KIF5B: variants seen among roughly 807,000 people sequenced by gnomAD.
KIF5B encodes the protein kinesin-1 heavy chain.
Under a neutral mutation model 132.8 loss-of-function variants are expected in KIF5B, and 49 were observed. That is an observed-to-expected ratio of 0.37 (90% CI 0.29 to 0.47). The LOEUF (loss-of-function observed/expected upper bound fraction) is 0.47. Ranked by LOEUF, KIF5B falls within the 20% of genes least tolerant of loss-of-function variation. The pLI is 1.00. For synonymous variants in KIF5B, 355 were observed against 369.4 expected (o/e 0.96, Z 0.45); for missense variants, 780 against 1,144.0 (o/e 0.68, Z 4.59).
chr10:32,051,413 G>A (rs569054305), intron 1 of KIF5B, among the ~76,000 whole-genome samples: 2 of 152,218 alleles, frequency 1.3e-5, no homozygotes, highest in South Asian at 2.1e-4. Flanking sequence ...CAAGAGATAT[G>A]CCAGAAATAA....
At chr10:32,027,739 C>T (rs1373367475) in intron 15 of KIF5B, among the ~76,000 whole-genome samples, 1 of 151,558 alleles carries the variant, frequency 6.6e-6, no homozygotes, top group South Asian at 2.1e-4. Context: ...GGACTACAGG[C>T]ATGTATCACC....
At position 32,019,974 on chromosome 10, in the gene KIF5B, AAAT is replaced by A; in HGVS notation, c.2205-18_2205-16del. ...TCTGGTTTTGGCTGACGAAAGAAAAAAATAATTAACACAGTATCAATATCACAG... is the reference window on the plus strand; with the variant it reads ...TCTGGTTTTGGCTGACGAAAGAAAAAAATTAACACAGTATCAATATCACAG... On this transcript the variant is annotated splice_polypyrimidine_tract_variant and intron_variant, in intron 19 of 25. Coordinates refer to ENST00000302418, the MANE Select transcript of KIF5B (RefSeq NM_004521.3). 6.6e-7 allele frequency: 1 copy of A among 1,526,472 alleles called. No individual in the cohort carries two copies. The highest frequency in any genetic ancestry group is 1.7e-4 in the Middle Eastern group (1 of 5,828). The allele number at this position is 1,526,472 out of a possible 1,614,324, so 94.6% of individuals were successfully genotyped here.
chr10:32,036,916 C>A lies in KIF5B; in HGVS notation c.711+338G>T, dbSNP rs561937812. Among the ~76,000 whole-genome samples, 5 of 152,184 alleles carry A rather than the reference C, an allele frequency of 3.3e-5. No homozygotes were observed. The East Asian group carries it at 9.7e-4, about 29-fold the overall frequency. On this transcript the variant is annotated intron_variant, in intron 8 of 25. Coordinates refer to ENST00000302418, the MANE Select transcript of KIF5B (RefSeq NM_004521.3). Reference sequence around the variant, plus strand: ...CGAGAGTTACCAGTTTTAATAGGGACCCCACTGCCAATATGGATAAAATAC... The same window carrying A: ...CGAGAGTTACCAGTTTTAATAGGGAACCCACTGCCAATATGGATAAAATAC...
intron 2 of KIF5B, among the ~76,000 whole-genome samples, chr10:32,043,294 C>T (rs1374906980): frequency 6.6e-6 from 1 of 152,178 alleles, no homozygotes; most frequent in Non-Finnish European, 1.5e-5. Context: ...TGAGCCACTG[C>T]GCCCAGCCCG....
At chr10:32,048,094 C>T (rs1841637630) in intron 2 of KIF5B, among the ~76,000 whole-genome samples, 3 of 152,266 alleles carry the variant, frequency 2.0e-5, no homozygotes, top group African/African-American at 7.2e-5. Flanking sequence ...TGATAGACTG[C>T]CATTTTCCAC....
intron 15 of KIF5B, among the ~76,000 whole-genome samples, chr10:32,023,981 A>T (rs138787041): frequency 3.9e-4 from 59 of 151,310 alleles, no homozygotes; most frequent in South Asian, 3.5e-3. Context: ...ACAATCTATT[A>T]ATGTAAAACT....
chr10:32,031,436 T>C (rs1255400239), intron 13 of KIF5B, among the ~76,000 whole-genome samples, 157 bp from the exon 14 acceptor site: 1 of 152,168 alleles, frequency 6.6e-6, no homozygotes, highest in Non-Finnish European at 1.5e-5. Context: ...AAATGTCAAC[T>C]ATGTGCAGGC....
At chr10:32,024,570 C>G (rs1040376888) in intron 15 of KIF5B, among the ~76,000 whole-genome samples, 10 of 151,574 alleles carry the variant, frequency 6.6e-5, no homozygotes, top group African/African-American at 2.2e-4. Context: ...TCAAGACCAG[C>G]CTGGCCAATA....
At chr10:32,020,787 T>C (rs778476107) in intron 19 of KIF5B, among the ~76,000 whole-genome samples, 1 of 152,058 alleles carries the variant, frequency 6.6e-6, no homozygotes, top group Non-Finnish European at 1.5e-5. Flanking sequence ...TATGCAATAA[T>C]AGACTTAGGT....
chr10:32,026,333 G>A (rs1841332808), intron 15 of KIF5B, among the ~76,000 whole-genome samples: 3 of 150,964 alleles, frequency 2.0e-5, no homozygotes, highest in Non-Finnish European at 4.4e-5. Context: ...AGCTACTCGG[G>A]AGGCCGAGGT....
Position 32,033,987 on chromosome 10 carries a change from TC to T in KIF5B, c.1162del (p.Glu388LysfsTer23). 1 of 1,604,148 alleles carries T rather than the reference TC, an allele frequency of 6.2e-7. No homozygotes were observed. The highest frequency in any genetic ancestry group is 8.5e-7 in the Non-Finnish European group (1 of 1,175,650). The part of the protein sequence containing the change: ...EQFDKEKANL[E>X]AFTVDKDITL... ...AATATCTTTATCCACTGTGAAAGCT[TC>T]CAAGTTGGCTTTCTCTTTGTCAAAC... On this transcript the variant is annotated frameshift_variant, in exon 12 of 26. Transcript: ENST00000302418. LOFTEE classifies it high-confidence loss of function.
Position 32,035,671 on chromosome 10 carries a change from CA to C in KIF5B, c.817-5del. The C allele has an allele frequency of 6.3e-7, 1 of 1,588,914 alleles. No individual in the cohort carries two copies. The highest frequency in any genetic ancestry group is 8.5e-7 in the Non-Finnish European group (1 of 1,171,512). On this transcript the variant is annotated splice_region_variant and splice_polypyrimidine_tract_variant and intron_variant, in intron 9 of 25. Coordinates refer to ENST00000302418, the MANE Select transcript of KIF5B (RefSeq NM_004521.3). ...TATCTCGATATGGAACATATGTCTGCATACAAAAACAAAGAAAGAAAACAAG... is the reference window on the plus strand; with the variant it reads ...TATCTCGATATGGAACATATGTCTGCTACAAAAACAAAGAAAGAAAACAAG...
Position 32,034,748 on chromosome 10 carries a change from A to ATTTTTT in KIF5B, c.1047_1052dup (p.Lys350_Asn351insLysLys). 6 of 1,608,650 alleles carry ATTTTTT rather than the reference A, an allele frequency of 3.7e-6. No homozygotes were observed. Among genetic ancestry groups the ATTTTTT allele is most frequent in the Non-Finnish European group, 5.1e-6 (6 of 1,177,756 alleles). ...ACTGAATAGTGTTCCGCAGGATCTTATTTTTTTCTTTTTCTTTTTCATACT... is the reference window on the plus strand; with the variant it reads ...ACTGAATAGTGTTCCGCAGGATCTTATTTTTTTTTTTTTCTTTTTCTTTTTCATACT... On this transcript the variant is annotated inframe_insertion, in exon 11 of 26. Coordinates refer to ENST00000302418, the MANE Select transcript of KIF5B (RefSeq NM_004521.3).
chr10:32,020,247 CATT>C (rs1436048352), intron 19 of KIF5B, among the ~76,000 whole-genome samples: 1 of 152,076 alleles, frequency 6.6e-6, no homozygotes, highest in Non-Finnish European at 1.5e-5. Flanking sequence ...CAAACCTCAT[CATT>C]ATTTTGTTAT....
chr10:32,054,240 C>G (rs1176455672), intron 1 of KIF5B, among the ~76,000 whole-genome samples: 2 of 152,306 alleles, frequency 1.3e-5, no homozygotes, highest in East Asian at 3.9e-4. Context: ...ACAACTAATC[C>G]AGGCCTTGCA....
chr10:32,024,229 ACTGCAAGCTCCGC>A (rs1841305521), intron 15 of KIF5B, among the ~76,000 whole-genome samples: 1 of 120,512 alleles, frequency 8.3e-6, no homozygotes, highest in Admixed American at 1.1e-4. Context: ...ATCTCGGCTC[ACTGCAAGCTCCGC>A]CTCCCGGGTT....
At chr10:32,041,139 C>G (rs1841531955) in intron 2 of KIF5B, among the ~76,000 whole-genome samples, 1 of 126,828 alleles carries the variant, frequency 7.9e-6, no homozygotes, top group Non-Finnish European at 1.6e-5. Context: ...CAGTGAGACT[C>G]TGTCTCAAAA....
chr10:32,010,826 A>G lies in KIF5B; in HGVS notation c.*711T>C, dbSNP rs1460865849. ...TGATACTTTAAAATATTTCTATTCA[A>G]AATAACTCGGCAACAGGCATTTCAT... On this transcript the variant is annotated 3_prime_UTR_variant, in exon 26 of 26. Transcript: ENST00000302418. 2 of 152,210 alleles carry G rather than the reference A, an allele frequency of 1.3e-5. No individual in the cohort carries two copies. The highest frequency in any genetic ancestry group is 1.3e-4 in the Admixed American group (2 of 15,278). The allele number at this position is 152,210 out of a possible 1,614,324, so 9.4% of individuals were successfully genotyped here. A position where few individuals can be genotyped will look rare whatever the true frequency, so the allele number is the denominator to read the frequency against.
At chr10:32,049,408 A>G (rs1044518200) in intron 1 of KIF5B, among the ~76,000 whole-genome samples, 4 of 152,222 alleles carry the variant, frequency 2.6e-5, no homozygotes, top group Non-Finnish European at 5.9e-5. Context: ...AAAAATACGC[A>G]GCAACTAACT....
Sources: gnomAD v4.1 joint callset for allele counts (sites outside exome capture counted in the v4.1 genomes callset) on GRCh38, gnomAD v4.1.1 for gene constraint, MANE v1.5 for transcripts, NCBI Gene and HGNC (gene_info 2026-07-23, HGNC 2026-07-21) for gene names.